Variants in UVRAG observed in about 807,000 individuals in gnomAD.
The protein encoded by UVRAG is UV radiation resistance-associated gene protein.
In UVRAG, 19 loss-of-function variants were observed where a neutral mutation model predicts 78.0. That is an observed-to-expected ratio of 0.24 (90% CI 0.17 to 0.36). The LOEUF (loss-of-function observed/expected upper bound fraction) is 0.36, where lower values mean the gene tolerates loss of function less well. Among genes scored for constraint, UVRAG ranks in the 10% least tolerant of loss-of-function variants. The pLI, the probability that UVRAG is intolerant of heterozygous loss-of-function variation, is 1.00. For synonymous variants in UVRAG, 323 were observed against 324.6 expected (o/e 1.00, Z 0.05); for missense variants, 740 against 853.8 (o/e 0.87, Z 1.66).
At chr11:75,991,160 A>G (rs1722528343) in intron 8 of UVRAG, among the ~76,000 whole-genome samples, 1 of 152,192 alleles carries the variant, frequency 6.6e-6, no homozygotes, top group South Asian at 2.1e-4. Flanking sequence ...GATAAAGTCC[A>G]TTTGTCTTTG....
At chr11:75,945,042 A>G (rs1284861174) in intron 6 of UVRAG, among the ~76,000 whole-genome samples, 1 of 152,210 alleles carries the variant, frequency 6.6e-6, no homozygotes, top group Non-Finnish European at 1.5e-5. Flanking sequence ...GTTTACAAAC[A>G]TTAAACAATG....
chr11:75,844,459 T>G (rs1388044619), intron 1 of UVRAG, among the ~76,000 whole-genome samples: 1 of 152,004 alleles, frequency 6.6e-6, no homozygotes, highest in East Asian at 1.9e-4. Flanking sequence ...TCTCCTGACC[T>G]CGTGATCTGC....
intron 12 of UVRAG, among the ~76,000 whole-genome samples, chr11:76,036,865 TATAAA>T (rs1165551883): frequency 2.0e-5 from 3 of 151,694 alleles, no homozygotes; most frequent in East Asian, 1.9e-4. Context: ...TAGAAAAAAA[TATAAA>T]ATAACAAAAT....
intron 14 of UVRAG, among the ~76,000 whole-genome samples, chr11:76,138,569 G>C (rs1159973446): frequency 6.6e-6 from 1 of 152,198 alleles, no homozygotes; most frequent in Non-Finnish European, 1.5e-5. Flanking sequence ...TGCTGGGTGT[G>C]CCCCAGGCCT....
chr11:76,074,920 A>G (rs999012120), intron 13 of UVRAG, among the ~76,000 whole-genome samples: 1 of 152,142 alleles, frequency 6.6e-6, no homozygotes, highest in Non-Finnish European at 1.5e-5. Flanking sequence ...GACTTCATAG[A>G]AAGTAAAAAT....
intron 2 of UVRAG, among the ~76,000 whole-genome samples, chr11:75,859,292 C>T (rs1274237488): frequency 1.3e-5 from 2 of 151,842 alleles, no homozygotes; most frequent in East Asian, 3.9e-4. Flanking sequence ...TGGAGAATCA[C>T]TTGAACCCGG....
chr11:75,849,972 A>G (rs1354858787), intron 1 of UVRAG, among the ~76,000 whole-genome samples: 1 of 152,034 alleles, frequency 6.6e-6, no homozygotes, highest in African/African-American at 2.4e-5. Flanking sequence ...GCCCCCTTAC[A>G]GAATCTTCTA....
At chr11:75,969,774 CT>C (rs1469110858) in intron 7 of UVRAG, among the ~76,000 whole-genome samples, 3 of 152,132 alleles carry the variant, frequency 2.0e-5, no homozygotes, top group African/African-American at 7.2e-5. Context: ...GCTGTAAGTA[CT>C]TTTAATACAT....
intron 12 of UVRAG, among the ~76,000 whole-genome samples, chr11:76,062,043 A>G (rs948132983): frequency 6.6e-6 from 1 of 152,182 alleles, no homozygotes; most frequent in African/African-American, 2.4e-5. Context: ...TCAAAGTGTC[A>G]TCAGGGCCAC....
intron 13 of UVRAG, among the ~76,000 whole-genome samples, chr11:76,095,527 A>G (rs569264594): frequency 6.3e-4 from 95 of 150,386 alleles, no homozygotes; most frequent in Non-Finnish European, 1.2e-3. Context: ...ATTCATATAT[A>G]AATATATGTC....
intron 12 of UVRAG, among the ~76,000 whole-genome samples, chr11:76,055,425 A>T (rs1393661698): frequency 1.3e-5 from 2 of 152,140 alleles, no homozygotes; most frequent in Non-Finnish European, 2.9e-5. Flanking sequence ...TTATTATGAA[A>T]ATTTCTAAAC....
At chr11:76,114,072 GT>G (rs1028103700) in intron 13 of UVRAG, among the ~76,000 whole-genome samples, 115 of 147,358 alleles carry the variant, frequency 7.8e-4, no homozygotes, top group African/African-American at 2.4e-3. Context: ...ATTTCAGTAA[GT>G]TTTTTTTTTT....
chr11:76,004,940 T>A (rs1314699462), intron 9 of UVRAG, among the ~76,000 whole-genome samples: 3 of 152,234 alleles, frequency 2.0e-5, no homozygotes, highest in African/African-American at 7.2e-5. Context: ...TTCCAACATA[T>A]GCTTAATTCG....
At position 75,983,402 on chromosome 11, in the gene UVRAG, T is replaced by C; in HGVS notation, c.715T>C (p.Cys239Arg). ...TSNELKKKSECLQLKILVLQN... is the reference protein window; with the variant it reads ...TSNELKKKSERLQLKILVLQN... ...ATTTATTTAGAAAAAAAAAAGTGAA[T>C]GCCTGCAGTTAAAAATTTTGGTGCT... The change falls in exon 8 of 15, where the codon TGC becomes CGC. Residue 239 changes from cysteine to arginine, a missense_variant. Physicochemically the swap from Cys to Arg is radical, Grantham distance 180 (BLOSUM62 -3). Transcript: ENST00000356136. 1 of 1,594,474 alleles carries C rather than the reference T, an allele frequency of 6.3e-7. No homozygotes were observed. Among genetic ancestry groups the C allele is most frequent in the Non-Finnish European group, 8.5e-7 (1 of 1,171,854 alleles).
At chr11:76,036,512 A>G (rs1950537993) in intron 12 of UVRAG, among the ~76,000 whole-genome samples, 1 of 152,206 alleles carries the variant, frequency 6.6e-6, no homozygotes, top group Non-Finnish European at 1.5e-5. Context: ...CCCGACTTCA[A>G]CTTGTGCAAT....
rs771576227 is a variant in UVRAG, at chr11:75,822,679, T to TTTA, written c.117+7155_117+7156insTTA. Among the ~76,000 whole-genome samples the TTTA allele has an allele frequency of 2.3e-3, 355 of 151,102 alleles. 4 individuals are homozygous for TTTA. Among genetic ancestry groups the TTTA allele is most frequent in the African/African-American group, 8.3e-3 (339 of 40,844 alleles). Reference sequence around the variant, plus strand: ...GCACTTACTGTTTTTTTTTTTTTTTTAAATAAACAATATTACACAGGATAC... The same window carrying TTTA: ...GCACTTACTGTTTTTTTTTTTTTTTTTTAAAATAAACAATATTACACAGGATAC... On this transcript the variant is annotated intron_variant, in intron 1 of 14. Coordinates refer to ENST00000356136, the MANE Select transcript of UVRAG (RefSeq NM_003369.4).
At chr11:75,900,962 T>C (rs1772841691) in intron 5 of UVRAG, among the ~76,000 whole-genome samples, 1 of 152,134 alleles carries the variant, frequency 6.6e-6, no homozygotes, top group Non-Finnish European at 1.5e-5. Flanking sequence ...TCAGCTCAGG[T>C]TAATTGTCTA....
At chr11:76,122,355 A>G (rs1389075922) in intron 14 of UVRAG, among the ~76,000 whole-genome samples, 1 of 152,150 alleles carries the variant, frequency 6.6e-6, no homozygotes, top group East Asian at 1.9e-4. Context: ...TGGAAAGACT[A>G]GGACTATGAA....
intron 13 of UVRAG, among the ~76,000 whole-genome samples, chr11:76,082,466 G>C (rs1248603938): frequency 6.6e-6 from 1 of 150,404 alleles, no homozygotes; most frequent in African/African-American, 2.5e-5. Flanking sequence ...CATGAACCCG[G>C]GAGGCGGAGC....
Sources: gnomAD v4.1 joint callset for allele counts (sites outside exome capture counted in the v4.1 genomes callset) on GRCh38, gnomAD v4.1.1 for gene constraint, MANE v1.5 for transcripts, NCBI Gene and HGNC (gene_info 2026-07-23, HGNC 2026-07-21) for gene names.